Variants in MAPK10 observed in about 807,000 individuals in gnomAD.
The protein encoded by MAPK10 is JNK3 alpha protein kinase.
In MAPK10, 25 loss-of-function variants were observed where a neutral mutation model predicts 59.3. The ratio of observed to expected loss-of-function variants is 0.42; its 90% confidence interval spans 0.31 to 0.59. The LOEUF is 0.59. Among genes scored for constraint, MAPK10 ranks in the 20% least tolerant of loss-of-function variants. MAPK10 has a pLI of 0.15. For synonymous variants in MAPK10, 190 were observed against 200.5 expected, an observed-to-expected ratio of 0.95 and a Z score of 0.44; for missense variants, 351 against 568.9, an observed-to-expected ratio of 0.62 and a Z score of 3.90.
chr4:86,076,383 C>T (rs1047808917), intron 9 of MAPK10, among the ~76,000 whole-genome samples: 12 of 152,128 alleles, frequency 7.9e-5, no homozygotes, highest in African/African-American at 2.2e-4. Context: ...AGCTGTAGAC[C>T]GGAGCTGTTC....
chr4:86,521,265 G>A (rs1579467495), intron 1 of MAPK10, among the ~76,000 whole-genome samples: 1 of 152,284 alleles, frequency 6.6e-6, no homozygotes, highest in Non-Finnish European at 1.5e-5. Flanking sequence ...TTTCAAGACA[G>A]CATCTAGTAG....
chr4:86,331,460 C>T (rs2096152048), intron 2 of MAPK10, among the ~76,000 whole-genome samples: 1 of 152,072 alleles, frequency 6.6e-6, no homozygotes, highest in Non-Finnish European at 1.5e-5. Context: ...ACAGAGTTCC[C>T]TCTGTACCCT....
chr4:86,473,654 T>C (rs926693503), intron 1 of MAPK10, among the ~76,000 whole-genome samples: 1 of 152,212 alleles, frequency 6.6e-6, no homozygotes, highest in Non-Finnish European at 1.5e-5. Context: ...TAAAACCGCA[T>C]TAGAGAAAAT....
rs879491502 is a variant in MAPK10, at chr4:86,139,491, T to G, written c.236+19807A>C. On this transcript the variant is annotated intron_variant, in intron 4 of 13. Coordinates refer to ENST00000641462, the MANE Select transcript of MAPK10 (RefSeq NM_138982.4). ...AACTGGCTAGCCATATGTAGAAAGC[T>G]GAAACTGGATCCCTTCCTTACACCT... 9.3e-3 allele frequency among the ~76,000 whole-genome samples: 1,417 copies of G among 151,636 alleles called. 65 individuals carry two copies. The highest frequency in any genetic ancestry group is 0.082 in the Admixed American group (1,247 of 15,238).
chr4:86,250,871 A>T (rs1325897841), intron 2 of MAPK10, among the ~76,000 whole-genome samples: 1 of 152,190 alleles, frequency 6.6e-6, no homozygotes, highest in Non-Finnish European at 1.5e-5. Context: ...TCTAGGAGAA[A>T]ACTATTATTT....
intron 2 of MAPK10, among the ~76,000 whole-genome samples, chr4:86,215,310 A>G (rs1204420673): frequency 6.6e-6 from 1 of 152,250 alleles, no homozygotes; most frequent in Admixed American, 6.5e-5. Context: ...TCAAACTGTT[A>G]TAAGACAACA....
intron 11 of MAPK10, 110 bp from the exon 12 acceptor site, chr4:86,031,541 A>G: frequency 1.4e-6 from 1 of 726,642 alleles, no homozygotes; most frequent in Non-Finnish European, 2.4e-6. Context: ...TTTCAACCGT[A>G]TATAAGTTAT....
At chr4:86,103,740 A>C (rs1291468290) in intron 5 of MAPK10, among the ~76,000 whole-genome samples, 1 of 151,834 alleles carries the variant, frequency 6.6e-6, no homozygotes, top group Non-Finnish European at 1.5e-5. Context: ...CTAATGCTCC[A>C]ATAATATGTG....
chr4:86,556,679 A>G (rs1027964918), intron 1 of MAPK10, among the ~76,000 whole-genome samples: 2 of 152,158 alleles, frequency 1.3e-5, no homozygotes, highest in African/African-American at 4.8e-5. Context: ...TGTGATTGCA[A>G]AAAGAATTAA....
intron 2 of MAPK10, among the ~76,000 whole-genome samples, chr4:86,267,358 G>A (rs2094285130): frequency 6.6e-6 from 1 of 152,084 alleles, no homozygotes; most frequent in African/African-American, 2.4e-5. Flanking sequence ...AGTAACTCCA[G>A]CTGTGCCAAG....
intron 2 of MAPK10, chr4:86,352,308 A>C (rs1333166732): frequency 2.0e-5 from 3 of 152,174 alleles, no homozygotes; most frequent in Non-Finnish European, 4.4e-5. Flanking sequence ...TTTAATCCAA[A>C]TGTTCAACAA....
At chr4:86,378,974 G>C (rs1740253295) in intron 1 of MAPK10, among the ~76,000 whole-genome samples, 1 of 152,214 alleles carries the variant, frequency 6.6e-6, no homozygotes, top group Non-Finnish European at 1.5e-5. Flanking sequence ...ATAAGGAAGT[G>C]GCGGCATATG....
chr4:86,534,358 C>T (rs1005203903), intron 1 of MAPK10, among the ~76,000 whole-genome samples: 1 of 151,852 alleles, frequency 6.6e-6, no homozygotes, highest in African/African-American at 2.4e-5. Flanking sequence ...CAACATTTCA[C>T]GCAAGCTGTT....
Position 86,272,694 on chromosome 4 carries a change from A to G in MAPK10, c.-6-78287T>C, listed in dbSNP as rs370243627. 3.1e-3 allele frequency among the ~76,000 whole-genome samples: 469 copies of G among 152,114 alleles called. 8 individuals carry two copies. The Middle Eastern group carries it at 0.037, about 12-fold the overall frequency. On this transcript the variant is annotated intron_variant, in intron 2 of 13. Coordinates refer to ENST00000641462, the MANE Select transcript of MAPK10 (RefSeq NM_138982.4). The stretch of plus-strand genomic sequence containing the variant: ...GTCTGTATAAGAATAACCCAAACAG[A>G]AGTGGGCTAAAAATGGTTCATAGGT...
At chr4:86,245,192 C>A (rs2093001400) in intron 2 of MAPK10, among the ~76,000 whole-genome samples, 1 of 152,144 alleles carries the variant, frequency 6.6e-6, no homozygotes, top group Non-Finnish European at 1.5e-5. Context: ...ATAACACTAA[C>A]TATAAGAGCT....
chr4:86,298,656 A>G (rs984290631), intron 2 of MAPK10, among the ~76,000 whole-genome samples: 14 of 152,222 alleles, frequency 9.2e-5, no homozygotes, highest in African/African-American at 3.4e-4. Context: ...TTGGTTGCCT[A>G]TCTTTTATTT....
At chr4:86,555,606 C>A (rs1299347977) in intron 1 of MAPK10, among the ~76,000 whole-genome samples, 1 of 152,132 alleles carries the variant, frequency 6.6e-6, no homozygotes, top group Non-Finnish European at 1.5e-5. Context: ...TCTTGAGCAA[C>A]CAAATGCTGG....
At chr4:86,237,882 C>T (rs1474062859) in intron 2 of MAPK10, among the ~76,000 whole-genome samples, 4 of 152,108 alleles carry the variant, frequency 2.6e-5, no homozygotes, top group African/African-American at 9.7e-5. Context: ...GCTTTTGTTG[C>T]AATTCCTTTT....
At chr4:86,174,414 A>G (rs561225848) in intron 3 of MAPK10, among the ~76,000 whole-genome samples, 5 of 152,248 alleles carry the variant, frequency 3.3e-5, no homozygotes, top group African/African-American at 1.2e-4. Flanking sequence ...GGGAGCTGAA[A>G]AATGAGAGCA....
Sources: allele counts gnomAD v4.1 joint callset (sites outside exome capture counted in the v4.1 genomes callset), GRCh38; gene constraint gnomAD v4.1.1; transcripts MANE v1.5; gene names NCBI Gene and HGNC (gene_info 2026-07-23, HGNC 2026-07-21).